The following WWOX variants were observed in gnomAD, a reference collection of about 807,000 sequenced individuals.
WWOX encodes WW domain containing oxidoreductase, also known as WW domain-containing oxidoreductase.
Under a neutral mutation model 46.2 loss-of-function variants are expected in WWOX, and 69 were observed. That is an observed-to-expected ratio of 1.49 (90% confidence interval 1.23 to 1.82). The LOEUF (loss-of-function observed/expected upper bound fraction) is 1.82, where lower values mean the gene tolerates loss of function less well. Ranked by LOEUF, WWOX falls within the 40% of genes most tolerant of loss-of-function variation. WWOX has a pLI of 0.00. For missense variants in WWOX, 919 were observed against 542.6 expected (o/e 1.69, Z -6.89); for synonymous variants, 359 against 202.6 (o/e 1.77, Z -6.56).
intron 8 of WWOX, among the ~76,000 whole-genome samples, chr16:78,769,290 G>A (rs1261446891): frequency 2.0e-5 from 3 of 152,088 alleles, no homozygotes; most frequent in South Asian, 2.1e-4. Flanking sequence ...TCGTCCATCC[G>A]TCTGTCCATC....
In WWOX at chr16:79,003,401, G is replaced by A. The variant is rs1053811094; in HGVS notation, c.1057-208207G>A. 4.6e-5 allele frequency among the ~76,000 whole-genome samples: 7 copies of A among 152,110 alleles called. No individual in the cohort carries two copies. The East Asian group carries it at 5.8e-4, about 13-fold the overall frequency. On this transcript the variant is annotated intron_variant, in intron 8 of 8. Coordinates refer to ENST00000566780, the MANE Select transcript of WWOX (RefSeq NM_016373.4). ...TTCATTTCATCCTCCCATTATCACC[G>A]TGAGGCCTCTTCCGCTTATCTATTG...
At chr16:79,168,075 G>A (rs1241981916) in intron 8 of WWOX, among the ~76,000 whole-genome samples, 2 of 152,024 alleles carry the variant, frequency 1.3e-5, no homozygotes, top group African/African-American at 2.4e-5. Context: ...TCTTTTTTAT[G>A]GCTGCATAGT....
chr16:78,198,622 G>A (rs2036133425), intron 5 of WWOX, among the ~76,000 whole-genome samples: 1 of 152,120 alleles, frequency 6.6e-6, no homozygotes, highest in African/African-American at 2.4e-5. Flanking sequence ...TGCTTAAACT[G>A]CCACTTCTTC....
chr16:78,235,566 G>C (rs1020009382), intron 5 of WWOX, among the ~76,000 whole-genome samples: 1 of 152,188 alleles, frequency 6.6e-6, no homozygotes, highest in South Asian at 2.1e-4. Flanking sequence ...CATCTTCAGC[G>C]TGGCTTCACT....
intron 8 of WWOX, among the ~76,000 whole-genome samples, chr16:78,537,617 T>C (rs969638796): frequency 6.6e-6 from 1 of 152,170 alleles, no homozygotes; most frequent in African/African-American, 2.4e-5. Flanking sequence ...GTCATACAGA[T>C]AGGCTCGAAG....
intron 7 of WWOX, among the ~76,000 whole-genome samples, chr16:78,428,981 C>G (rs1334003791): frequency 6.6e-6 from 1 of 152,174 alleles, no homozygotes; most frequent in African/African-American, 2.4e-5. Context: ...CTGTCAAATT[C>G]TCATCATGGG....
At chr16:78,563,033 C>G (rs139392356) in intron 8 of WWOX, among the ~76,000 whole-genome samples, 7 of 151,922 alleles carry the variant, frequency 4.6e-5, no homozygotes, top group Non-Finnish European at 8.8e-5. Context: ...TTTGCACCCA[C>G]GATGCTCTGC....
chr16:78,590,232 A>G (rs2045320299), intron 8 of WWOX, among the ~76,000 whole-genome samples: 1 of 152,144 alleles, frequency 6.6e-6, no homozygotes, highest in Non-Finnish European at 1.5e-5. Context: ...GAGGCTGGAA[A>G]ATTCAAGATC....
At chr16:78,729,989 C>A (rs1008059976) in intron 8 of WWOX, among the ~76,000 whole-genome samples, 3 of 152,144 alleles carry the variant, frequency 2.0e-5, no homozygotes, top group African/African-American at 7.2e-5. Context: ...AAGCTGCCAC[C>A]TTGCAACATC....
At chr16:78,968,122 CAGCGCGTGGTCCGT>C (rs2046398645) in intron 8 of WWOX, among the ~76,000 whole-genome samples, 1 of 7,548 alleles carries the variant, frequency 1.3e-4, no homozygotes, top group Non-Finnish European at 5.3e-4. Context: ...CCGCGTGGCA[CAGCGCGTGGTCCGT>C]GTGGCACAGC....
chr16:78,737,961 G>C (rs944166953), intron 8 of WWOX, among the ~76,000 whole-genome samples: 1 of 152,136 alleles, frequency 6.6e-6, no homozygotes, highest in Non-Finnish European at 1.5e-5. Context: ...CATCCCAAGA[G>C]AAAGGCACCA....
intron 8 of WWOX, chr16:78,981,589 C>T (rs1029702860): frequency 8.5e-5 from 13 of 152,182 alleles, no homozygotes; most frequent in Non-Finnish European, 1.3e-4. Context: ...AGGCACATGC[C>T]ACCATGCCCA....
At chr16:79,129,578 T>C (rs2049832836) in intron 8 of WWOX, among the ~76,000 whole-genome samples, 1 of 151,996 alleles carries the variant, frequency 6.6e-6, no homozygotes, top group Admixed American at 6.6e-5. Context: ...GGATTACCTC[T>C]ACCTGGTATA....
At chr16:78,358,420 G>A (rs1025871180) in intron 5 of WWOX, among the ~76,000 whole-genome samples, 1 of 152,170 alleles carries the variant, frequency 6.6e-6, no homozygotes, top group Non-Finnish European at 1.5e-5. Flanking sequence ...CACTTTGGGA[G>A]GCTGAGGTGG....
At chr16:78,958,138 C>A (rs2046205420) in intron 8 of WWOX, among the ~76,000 whole-genome samples, 1 of 152,176 alleles carries the variant, frequency 6.6e-6, no homozygotes, top group African/African-American at 2.4e-5. Context: ...CCTTAACTTG[C>A]TCATCATTCA....
chr16:79,091,447 C>T (rs920878223), intron 8 of WWOX, among the ~76,000 whole-genome samples: 2 of 152,128 alleles, frequency 1.3e-5, no homozygotes, highest in African/African-American at 4.8e-5. Context: ...ACTGGGTGTT[C>T]ATTCTACCCA....
At chr16:78,881,606 T>C (rs532799638) in intron 8 of WWOX, among the ~76,000 whole-genome samples, 1 of 152,302 alleles carries the variant, frequency 6.6e-6, no homozygotes, top group East Asian at 1.9e-4. Flanking sequence ...TGTGACTTGA[T>C]GTAAGGTATC....
At chr16:78,608,410 T>G (rs1234077836) in intron 8 of WWOX, among the ~76,000 whole-genome samples, 1 of 152,228 alleles carries the variant, frequency 6.6e-6, no homozygotes, top group African/African-American at 2.4e-5. Context: ...GCTACATAAC[T>G]GTCTCCTTAC....
chr16:78,744,466 C>G (rs1203386714), intron 8 of WWOX, among the ~76,000 whole-genome samples: 2 of 109,156 alleles, frequency 1.8e-5, no homozygotes, highest in Non-Finnish European at 3.3e-5. Context: ...GAGTATCTGT[C>G]TCTCACCCAG....
Sources: gnomAD v4.1 joint callset for allele counts (sites outside exome capture counted in the v4.1 genomes callset) on GRCh38, gnomAD v4.1.1 for gene constraint, MANE v1.5 for transcripts, NCBI Gene and HGNC (gene_info 2026-07-23, HGNC 2026-07-21) for gene names.